The following IQCJ variants were observed in gnomAD, a reference collection of about 807,000 sequenced individuals.
IQCJ encodes the protein IQ domain-containing protein J.
A neutral mutation model predicts 11.0 loss-of-function variants in IQCJ; 9 were observed. The observed-to-expected ratio is 0.82, with a 90% CI of 0.49 to 1.43. The LOEUF is 1.43. Among genes scored for constraint, IQCJ ranks in the 40% most tolerant of loss-of-function variants. IQCJ has a pLI of 0.00. For missense variants in IQCJ, 146 were observed against 133.2 expected (o/e 1.10, Z -0.47); for synonymous variants, 55 against 51.3 (o/e 1.07, Z -0.31).
At chr3:159,261,963 G>A (rs1728236063) in intron 3 of IQCJ, among the ~76,000 whole-genome samples, 1 of 152,114 alleles carries the variant, frequency 6.6e-6, no homozygotes, top group Admixed American at 6.5e-5. Flanking sequence ...CCCATGATGT[G>A]GTGCTCTCGC....
At chr3:159,141,731 G>A (rs1720616851) in intron 1 of IQCJ, among the ~76,000 whole-genome samples, 1 of 152,112 alleles carries the variant, frequency 6.6e-6, no homozygotes, top group African/African-American at 2.4e-5. Context: ...ACTTACCAAA[G>A]CCATATTTTT....
intron 1 of IQCJ, among the ~76,000 whole-genome samples, chr3:159,164,712 G>A (rs1299461721): frequency 2.6e-5 from 4 of 152,168 alleles, no homozygotes; most frequent in African/African-American, 9.7e-5. Flanking sequence ...AGGCTGTGGT[G>A]AGCCGAGATC....
At chr3:159,069,908 G>A (rs573797351) in intron 1 of IQCJ, 88 of 259,778 alleles carry the variant, frequency 3.4e-4, no homozygotes, top group South Asian at 3.3e-3. Context: ...GGGAGGAGGT[G>A]TTGATTTTTG....
At chr3:159,116,725 T>G (rs1321196462) in intron 1 of IQCJ, among the ~76,000 whole-genome samples, 1 of 147,592 alleles carries the variant, frequency 6.8e-6, no homozygotes, top group African/African-American at 2.5e-5. Flanking sequence ...TTGAACATCT[T>G]GAACATTTGC....
At chr3:159,178,833 T>C (rs7613988) in intron 1 of IQCJ, among the ~76,000 whole-genome samples, 7,304 of 152,112 alleles carry the variant, frequency 0.048, 574 homozygotes, top group African/African-American at 0.17. Flanking sequence ...TCCAAGTTGC[T>C]CAACAGGAAA....
chr3:159,147,087 T>A (rs1720964746), intron 1 of IQCJ, among the ~76,000 whole-genome samples: 1 of 152,218 alleles, frequency 6.6e-6, no homozygotes, highest in Non-Finnish European at 1.5e-5. Flanking sequence ...TTTTTCACAT[T>A]TGTGTAATTT....
chr3:159,205,347 G>C (rs899387079), intron 1 of IQCJ, among the ~76,000 whole-genome samples: 1 of 152,186 alleles, frequency 6.6e-6, no homozygotes, highest in Non-Finnish European at 1.5e-5. Flanking sequence ...TGTAAAGTCA[G>C]GACATGTTAG....
At chr3:159,204,032 A>T (rs574758844) in intron 1 of IQCJ, among the ~76,000 whole-genome samples, 6 of 152,230 alleles carry the variant, frequency 3.9e-5, no homozygotes, top group Non-Finnish European at 7.3e-5. Context: ...ACCAGGCCCC[A>T]GTAGGCATAA....
At chr3:159,224,414 G>A (rs1394041659) in intron 1 of IQCJ, among the ~76,000 whole-genome samples, 1 of 152,108 alleles carries the variant, frequency 6.6e-6, no homozygotes, top group Non-Finnish European at 1.5e-5. Flanking sequence ...CTGAAAACTG[G>A]TAAAAGAAAA....
At chr3:159,081,865 C>T (rs1023404364) in intron 1 of IQCJ, among the ~76,000 whole-genome samples, 1 of 152,094 alleles carries the variant, frequency 6.6e-6, no homozygotes, top group Non-Finnish European at 1.5e-5. Flanking sequence ...GTAGAATAAA[C>T]ATACTTTTCT....
intron 1 of IQCJ, among the ~76,000 whole-genome samples, chr3:159,217,447 T>C (rs1725295592): frequency 6.6e-6 from 1 of 152,174 alleles, no homozygotes; most frequent in Non-Finnish European, 1.5e-5. Context: ...TGAGAGTTTG[T>C]AAGACATAAT....
chr3:159,180,631 T>C (rs547404005), intron 1 of IQCJ, among the ~76,000 whole-genome samples: 1 of 152,094 alleles, frequency 6.6e-6, no homozygotes, highest in Non-Finnish European at 1.5e-5. Context: ...ACATGTAGTA[T>C]GTTAACTAAT....
chr3:159,092,683 G>A lies in IQCJ; in HGVS notation c.9+23242G>A, dbSNP rs1005342066. 4.7e-5 allele frequency among the ~76,000 whole-genome samples: 5 copies of A among 106,254 alleles called. 1 individual carries two copies. In the Middle Eastern group the frequency reaches 0.019, roughly 405 times the overall value. The allele number at this position is 106,254 out of a possible 152,430, so 69.7% of individuals were successfully genotyped here. On this transcript the variant is annotated intron_variant, in intron 1 of 3. Transcript: ENST00000397832. Reference sequence around the variant, plus strand: ...ACTGCACTCCAGCCTGGGCGACAGAGTGAGACTCCATCACAAACACACACA... The same window carrying A: ...ACTGCACTCCAGCCTGGGCGACAGAATGAGACTCCATCACAAACACACACA...
intron 1 of IQCJ, among the ~76,000 whole-genome samples, chr3:159,211,110 A>G (rs144308578): frequency 6.6e-5 from 10 of 152,354 alleles, no homozygotes; most frequent in Admixed American, 3.3e-4. Flanking sequence ...TTTTAAATCA[A>G]TTGAAAACTA....
chr3:159,084,878 C>T (rs149979427), intron 1 of IQCJ, among the ~76,000 whole-genome samples: 2 of 151,350 alleles, frequency 1.3e-5, no homozygotes, highest in Admixed American at 6.6e-5. Context: ...GGAGGCACAT[C>T]CTAGTTACTT....
intron 1 of IQCJ, among the ~76,000 whole-genome samples, chr3:159,073,937 G>T (rs1316894696): frequency 2.6e-5 from 4 of 152,072 alleles, no homozygotes; most frequent in Admixed American, 2.0e-4. Context: ...GTTGAAGGTT[G>T]TGTCGGAATT....
At chr3:159,086,597 C>T (rs1415618597) in intron 1 of IQCJ, among the ~76,000 whole-genome samples, 1 of 152,020 alleles carries the variant, frequency 6.6e-6, no homozygotes, top group Non-Finnish European at 1.5e-5. Flanking sequence ...TTTCCTTGAG[C>T]AGTGGTTTGT....
intron 1 of IQCJ, among the ~76,000 whole-genome samples, chr3:159,090,016 T>G (rs1717127489): frequency 6.6e-6 from 1 of 151,748 alleles, no homozygotes; most frequent in Non-Finnish European, 1.5e-5. Context: ...GAGTTTCCAG[T>G]TTTTCTGCTC....
intron 1 of IQCJ, among the ~76,000 whole-genome samples, chr3:159,187,094 A>T (rs972599938): frequency 1.3e-5 from 2 of 152,248 alleles, no homozygotes; most frequent in African/African-American, 4.8e-5. Flanking sequence ...AAAAATCTAG[A>T]TAACGTATTC....
Sources: gnomAD v4.1 joint callset for allele counts (sites outside exome capture counted in the v4.1 genomes callset) on GRCh38, gnomAD v4.1.1 for gene constraint, MANE v1.5 for transcripts, NCBI Gene and HGNC (gene_info 2026-07-23, HGNC 2026-07-21) for gene names.